TLR2: variants seen among roughly 807,000 people sequenced by gnomAD.
TLR2 encodes toll like receptor 2.
Under a neutral mutation model 9.1 loss-of-function variants are expected in TLR2, and 7 were observed. That is an observed-to-expected ratio of 0.77 (90% CI 0.44 to 1.44). The LOEUF (loss-of-function observed/expected upper bound fraction) is 1.44. Ranked by LOEUF, TLR2 falls within the 40% of genes most tolerant of loss-of-function variation. TLR2 has a pLI of 0.01. For missense variants in TLR2, 812 were observed against 904.6 expected, an observed-to-expected ratio of 0.90 and a Z score of 1.31; for synonymous variants, 317 against 344.6, an observed-to-expected ratio of 0.92 and a Z score of 0.89.
chr4:153,692,003 A>C lies in TLR2; in HGVS notation c.-17+3956A>C, dbSNP rs191002467. On this transcript the variant is annotated intron_variant, in intron 2 of 2. Transcript: ENST00000642700. ...TATAATGAATAATGTAACACTGTGAAAATTTTTTACGAGTAGGTTCAATTG... is the reference window on the plus strand; with the variant it reads ...TATAATGAATAATGTAACACTGTGACAATTTTTTACGAGTAGGTTCAATTG... 1.2e-4 allele frequency among the ~76,000 whole-genome samples: 18 copies of C among 152,332 alleles called. No individual in the cohort carries two copies. The East Asian group carries it at 3.1e-3, about 26-fold the overall frequency.
chr4:153,710,328 G>T (rs1250431836), downstream of TLR2: 7 of 1,479,234 alleles, frequency 4.7e-6, no homozygotes, highest in Non-Finnish European at 6.4e-6. Flanking sequence ...TTGGACCAAG[G>T]ATTTCAACCA....
intron 2 of TLR2, 108 bp from the exon 3 acceptor site, chr4:153,702,762 TTGTGTGTGTGTGTGTGTGTGTG>T (rs141605367): frequency 5.3e-4 from 221 of 416,974 alleles, no homozygotes; most frequent in East Asian, 1.8e-3. Flanking sequence ...CTCTCTCTCT[TTGTGTGTGTGTGTGTGTGTGTG>T]TGTGTGTGTG....
At chr4:153,690,261 A>G (rs913029881) in intron 2 of TLR2, among the ~76,000 whole-genome samples, 2 of 152,218 alleles carry the variant, frequency 1.3e-5, no homozygotes, top group Non-Finnish European at 2.9e-5. Context: ...TCAGTTGTAT[A>G]TGGGGTGTCC....
At chr4:153,710,408 T>C, downstream of TLR2, 1 of 1,572,218 alleles carries the variant, frequency 6.4e-7, no homozygotes, top group Non-Finnish European at 8.6e-7. Context: ...CTTGAACTAT[T>C]CCTATCACCA....
At chr4:153,710,374 C>G, downstream of TLR2, 1 of 1,553,910 alleles carries the variant, frequency 6.4e-7, no homozygotes, top group Non-Finnish European at 8.7e-7. Flanking sequence ...CTGTCCTATT[C>G]CAGCCCTAGT....
At chr4:153,691,230 C>CA (rs34282464) in intron 2 of TLR2, among the ~76,000 whole-genome samples, 51,371 of 151,960 alleles carry the variant, frequency 0.34, 9,696 homozygotes, top group South Asian at 0.56. Flanking sequence ...TAGTTAATTT[C>CA]AAAAATTGAA....
intron 2 of TLR2, 126 bp from the exon 3 acceptor site, chr4:153,702,762 TTGTG>T (rs141605367): frequency 0.15 from 60,633 of 409,988 alleles, 2,188 homozygotes; most frequent in East Asian, 0.16. Context: ...CTCTCTCTCT[TTGTG>T]TGTGTGTGTG....
chr4:153,694,994 G>A (rs1401356521), intron 2 of TLR2, among the ~76,000 whole-genome samples: 1 of 152,106 alleles, frequency 6.6e-6, no homozygotes, highest in African/African-American at 2.4e-5. Flanking sequence ...GTTGTTATAT[G>A]ACAGAATTTC....
rs1343713919 is a variant in TLR2, at chr4:153,699,743, CATT to C, written c.-16-3146_-16-3144del. On this transcript the variant is annotated intron_variant, in intron 2 of 2. Coordinates refer to ENST00000642700, the MANE Select transcript of TLR2 (RefSeq NM_001318789.2). ...TAAAAGTTGGCAAGAAGAAAACCAT[CATT>C]ATGTCTTGAGGATGATTGGGGATAC... 2.6e-5 allele frequency among the ~76,000 whole-genome samples: 4 copies of C among 152,232 alleles called. No individual in the cohort carries two copies. The East Asian group carries it at 5.8e-4, about 22-fold the overall frequency.
chr4:153,686,168 G>A (rs539068622), intron 1 of TLR2, among the ~76,000 whole-genome samples: 2 of 152,166 alleles, frequency 1.3e-5, no homozygotes, highest in African/African-American at 2.4e-5. Context: ...CTCTCAGCTC[G>A]CAGTGAGCCG....
At chr4:153,700,646 GGAA>G (rs1347277704) in intron 2 of TLR2, among the ~76,000 whole-genome samples, 3 of 152,074 alleles carry the variant, frequency 2.0e-5, no homozygotes, top group African/African-American at 4.8e-5. Flanking sequence ...AGAACAAGGA[GGAA>G]GAAGAACGTA....
downstream of TLR2, among the ~76,000 whole-genome samples, chr4:153,706,672 G>A (rs979350319): frequency 2.6e-5 from 4 of 152,236 alleles, no homozygotes; most frequent in East Asian, 7.7e-4. Flanking sequence ...CTTAAGCTGG[G>A]AACCATGTGA....
At chr4:153,693,396 A>G (rs540355036) in intron 2 of TLR2, among the ~76,000 whole-genome samples, 1 of 152,162 alleles carries the variant, frequency 6.6e-6, no homozygotes, top group Non-Finnish European at 1.5e-5. Flanking sequence ...TTCCCTGTTG[A>G]TCTACGGGGT....
chr4:153,686,065 C>A (rs538802840), intron 1 of TLR2, among the ~76,000 whole-genome samples: 2 of 152,174 alleles, frequency 1.3e-5, no homozygotes, highest in Non-Finnish European at 2.9e-5. Context: ...ATAACAAACT[C>A]ATTCTCACAA....
intron 2 of TLR2, among the ~76,000 whole-genome samples, chr4:153,697,524 T>G (rs901945735): frequency 6.6e-6 from 1 of 152,290 alleles, no homozygotes; most frequent in African/African-American, 2.4e-5. Flanking sequence ...AATGAATAAA[T>G]ATTGTTTCAT....
At chr4:153,688,744 C>T (rs1044823963) in intron 2 of TLR2, 4 of 165,746 alleles carry the variant, frequency 2.4e-5, no homozygotes, top group Non-Finnish European at 5.3e-5. Context: ...TCCTTGCCCT[C>T]ATTCCAGTAA....
chr4:153,687,696 G>A (rs1735809017), intron 1 of TLR2, among the ~76,000 whole-genome samples: 1 of 151,958 alleles, frequency 6.6e-6, no homozygotes, highest in South Asian at 2.1e-4. Context: ...GCCCAAACAA[G>A]GTAAATGCCT....
downstream of TLR2, among the ~76,000 whole-genome samples, chr4:153,707,673 G>A (rs542528521): frequency 9.1e-4 from 139 of 152,308 alleles, no homozygotes; most frequent in South Asian, 2.9e-3. Context: ...TGTTAATTAT[G>A]AGAACAAGGT....
At chr4:153,684,852 C>T (rs1735580823) in intron 1 of TLR2, among the ~76,000 whole-genome samples, 1 of 152,208 alleles carries the variant, frequency 6.6e-6, no homozygotes, top group African/African-American at 2.4e-5. Context: ...GCTTCCCTCA[C>T]GGCCTGGCCC....
Sources: allele counts gnomAD v4.1 joint callset (sites outside exome capture counted in the v4.1 genomes callset), GRCh38; gene constraint gnomAD v4.1.1; transcripts MANE v1.5; gene names NCBI Gene and HGNC (gene_info 2026-07-23, HGNC 2026-07-21).